The following NTRK2 variants were observed in gnomAD, a reference collection of about 807,000 sequenced individuals.
The protein encoded by NTRK2 is neurotrophic receptor tyrosine kinase 2, also known as BDNF/NT-3 growth factors receptor.
Under a neutral mutation model 94.5 loss-of-function variants are expected in NTRK2, and 13 were observed. That is an observed-to-expected ratio of 0.14 (90% CI 0.09 to 0.22). The LOEUF is 0.22. Among genes scored for constraint, NTRK2 ranks in the 10% least tolerant of loss-of-function variants. NTRK2 has a pLI of 1.00. For missense variants in NTRK2, 639 were observed against 1,071.2 expected (o/e 0.60, Z 5.63); for synonymous variants, 372 against 407.4 (o/e 0.91, Z 1.05).
intron 12 of NTRK2, among the ~76,000 whole-genome samples, chr9:84,761,798 T>A (rs2065592166): frequency 6.6e-6 from 1 of 152,200 alleles, no homozygotes; most frequent in Non-Finnish European, 1.5e-5. Flanking sequence ...ATTTTCTATT[T>A]AGTTGGCATT....
At chr9:84,719,994 T>A (rs2061955392) in intron 6 of NTRK2, among the ~76,000 whole-genome samples, 1 of 129,258 alleles carries the variant, frequency 7.7e-6, no homozygotes, top group South Asian at 2.5e-4. Context: ...CACTCCAGCC[T>A]GGTTGACAGA....
chr9:84,773,283 A>G (rs1007447114), intron 12 of NTRK2, among the ~76,000 whole-genome samples: 1 of 152,224 alleles, frequency 6.6e-6, no homozygotes, highest in Non-Finnish European at 1.5e-5. Flanking sequence ...CTGGACTCTT[A>G]TAGACCCTGA....
chr9:84,741,490 A>G (rs2063646470), intron 9 of NTRK2, among the ~76,000 whole-genome samples: 1 of 152,212 alleles, frequency 6.6e-6, no homozygotes, highest in Non-Finnish European at 1.5e-5. Context: ...AGTAACCCTC[A>G]AACCATCAGA....
intron 14 of NTRK2, 36 bp downstream of exon 14, chr9:84,867,467 C>T (rs2132062723): frequency 6.5e-7 from 1 of 1,541,704 alleles, no homozygotes; most frequent in Non-Finnish European, 9.0e-7. Flanking sequence ...GTCCCATTTG[C>T]TGCATAGCTG....
chr9:84,817,547 A>G (rs565606992), intron 12 of NTRK2, among the ~76,000 whole-genome samples: 1 of 152,186 alleles, frequency 6.6e-6, no homozygotes, highest in Non-Finnish European at 1.5e-5. Context: ...ATAGCTCTGA[A>G]TGTCTTACAC....
intron 17 of NTRK2, among the ~76,000 whole-genome samples, chr9:85,015,277 G>A (rs770175222): frequency 3.8e-4 from 58 of 152,058 alleles, no homozygotes; most frequent in Non-Finnish European, 6.6e-4. Flanking sequence ...GTGGCAAACC[G>A]AGACATGGGG....
chr9:84,986,970 C>T (rs189938526), intron 17 of NTRK2, among the ~76,000 whole-genome samples: 2 of 152,292 alleles, frequency 1.3e-5, no homozygotes, highest in South Asian at 2.1e-4. Context: ...GGTGATTTCA[C>T]GAGGAAATGT....
At chr9:84,980,055 C>T (rs149485020) in intron 17 of NTRK2, among the ~76,000 whole-genome samples, 4 of 152,174 alleles carry the variant, frequency 2.6e-5, no homozygotes, top group African/African-American at 9.7e-5. Flanking sequence ...GCCACATTTG[C>T]TTTATTGCAG....
chr9:84,879,447 C>T (rs139748199), intron 14 of NTRK2, among the ~76,000 whole-genome samples: 357 of 152,222 alleles, frequency 2.3e-3, no homozygotes, highest in African/African-American at 8.2e-3. Context: ...TAATGCCATG[C>T]GCTCTTTTTG....
At chr9:84,857,107 T>G (rs987123007) in intron 12 of NTRK2, among the ~76,000 whole-genome samples, 12 of 151,630 alleles carry the variant, frequency 7.9e-5, no homozygotes, top group African/African-American at 1.5e-4. Flanking sequence ...GAAAAAGTGT[T>G]TTTTTTTTGC....
rs1304105758 is a variant in NTRK2, at chr9:84,873,800, C to T, written c.1633+6369C>T. On this transcript the variant is annotated intron_variant, in intron 14 of 18. Coordinates refer to ENST00000277120, the MANE Select transcript of NTRK2 (RefSeq NM_006180.6). ...CTTTGTTATCAAAAGAGAAATATCACCCAAGTATAGTATACTTAGACCTCC... is the reference window on the plus strand; with the variant it reads ...CTTTGTTATCAAAAGAGAAATATCATCCAAGTATAGTATACTTAGACCTCC... The T allele has an allele frequency of 1.2e-5, 13 of 1,056,734 alleles. No homozygotes were observed. The Middle Eastern group carries it at 1.7e-3, about 138-fold the overall frequency. 65.5% of individuals were successfully genotyped at this position (1,056,734 alleles called of 1,614,324 possible). A position where few individuals can be genotyped will look rare whatever the true frequency, so the allele number is the denominator to read the frequency against.
At chr9:85,011,602 A>G (rs1048036301) in intron 17 of NTRK2, among the ~76,000 whole-genome samples, 1 of 152,142 alleles carries the variant, frequency 6.6e-6, no homozygotes, top group Admixed American at 6.5e-5. Flanking sequence ...GCAACCACCT[A>G]CTAGTCAGGA....
At chr9:84,779,258 C>T (rs1280687554) in intron 12 of NTRK2, among the ~76,000 whole-genome samples, 3 of 152,150 alleles carry the variant, frequency 2.0e-5, no homozygotes, top group Non-Finnish European at 4.4e-5. Flanking sequence ...TTTAGAGCTT[C>T]CATTACCACT....
chr9:84,927,996 G>T (rs1018782936), intron 14 of NTRK2, among the ~76,000 whole-genome samples: 1 of 152,208 alleles, frequency 6.6e-6, no homozygotes, highest in African/African-American at 2.4e-5. Context: ...ATTAATTGAT[G>T]ATAATGCACA....
intron 17 of NTRK2, among the ~76,000 whole-genome samples, chr9:84,998,728 C>T (rs1830034611): frequency 6.6e-6 from 1 of 152,186 alleles, no homozygotes; most frequent in Non-Finnish European, 1.5e-5. Flanking sequence ...GAAACTCGCC[C>T]ACCCACCTGC....
At chr9:84,692,757 G>A (rs985623032) in intron 2 of NTRK2, among the ~76,000 whole-genome samples, 6 of 152,062 alleles carry the variant, frequency 3.9e-5, no homozygotes, top group African/African-American at 1.4e-4. Flanking sequence ...ATGAGCCACC[G>A]CGCCCAGGGT....
chr9:84,791,690 G>A (rs1280964943), intron 12 of NTRK2, among the ~76,000 whole-genome samples: 1 of 152,170 alleles, frequency 6.6e-6, no homozygotes, highest in Non-Finnish European at 1.5e-5. Flanking sequence ...TAGAAAAAAA[G>A]CAAATGGAGA....
At chr9:84,904,381 G>A (rs1234486546) in intron 14 of NTRK2, among the ~76,000 whole-genome samples, 1 of 152,070 alleles carries the variant, frequency 6.6e-6, no homozygotes, top group Non-Finnish European at 1.5e-5. Flanking sequence ...TTAATTTATG[G>A]TTTCTTCCCA....
chr9:84,910,510 T>C (rs1448244198), intron 14 of NTRK2, among the ~76,000 whole-genome samples: 1 of 152,192 alleles, frequency 6.6e-6, no homozygotes, highest in Non-Finnish European at 1.5e-5. Flanking sequence ...GTCATTGGAT[T>C]TAAGGCCTAC....
Sources: allele counts gnomAD v4.1 joint callset (sites outside exome capture counted in the v4.1 genomes callset), GRCh38; gene constraint gnomAD v4.1.1; transcripts MANE v1.5; gene names NCBI Gene and HGNC (gene_info 2026-07-23, HGNC 2026-07-21).